The following COL4A6 variants were observed in gnomAD, a reference collection of about 807,000 sequenced individuals.
COL4A6 encodes collagen type IV alpha 6 chain.
COL4A6 carries 59 observed loss-of-function variants against 126.7 expected under a neutral mutation model. The ratio of observed to expected loss-of-function variants is 0.47; its 90% CI spans 0.38 to 0.58. The LOEUF (loss-of-function observed/expected upper bound fraction) is 0.58. Among genes scored for constraint, COL4A6 ranks in the 20% least tolerant of loss-of-function variants. COL4A6 has a pLI of 0.00. For missense variants in COL4A6, 1,285 were observed against 1,337.3 expected (o/e 0.96, Z 0.61); for synonymous variants, 547 against 496.6 (o/e 1.10, Z -1.35).
chrX:108,206,810 CA>C (rs2035557509), intron 8 of COL4A6: 1 of 490,863 alleles, frequency 2.0e-6, no homozygotes, highest in Non-Finnish European at 3.7e-6. Flanking sequence ...ATATATGAAA[CA>C]ATGTGGATTA....
At chrX:108,356,092 T>G (rs2039953658) in intron 2 of COL4A6, among the ~76,000 whole-genome samples, 1 of 86,634 alleles carries the variant, frequency 1.2e-5, no homozygotes, top group Non-Finnish European at 2.3e-5. Flanking sequence ...ATGCTATCCC[T>G]TCCCCCTCCC....
chrX:108,181,943 C>T (rs768437965), intron 23 of COL4A6, among the ~76,000 whole-genome samples: 1 of 112,649 alleles, frequency 8.9e-6, no homozygotes, highest in South Asian at 3.7e-4. Flanking sequence ...TTTGCCTGTA[C>T]TTAAATCACA....
intron 2 of COL4A6, among the ~76,000 whole-genome samples, chrX:108,426,495 G>A (rs1048031371): frequency 9.0e-6 from 1 of 111,678 alleles, no homozygotes; most frequent in Non-Finnish European, 1.9e-5. Context: ...TGCCTGGGGC[G>A]GTGTCTTTGG....
intron 3 of COL4A6, among the ~76,000 whole-genome samples, chrX:108,245,432 T>C (rs1056059353): frequency 1.3e-4 from 14 of 111,902 alleles, no homozygotes; most frequent in African/African-American, 4.5e-4. Context: ...TAAATATGCT[T>C]AAACCTCCTC....
chrX:108,281,594 C>A (rs1172563842), intron 3 of COL4A6, among the ~76,000 whole-genome samples: 4 of 111,555 alleles, frequency 3.6e-5, no homozygotes, highest in African/African-American at 1.3e-4. Context: ...AGATTCAATG[C>A]CATCCCCATC....
rs3765292 is a variant in COL4A6 at position 108,156,906 on chromosome X, G to A, written c.*94C>T. ...CCAATGTACAACTTGACAGGCAAAG[G>A]GGCTCAGGCCTTCCTTCTTCAGACC... On this transcript the variant is annotated 3_prime_UTR_variant, in exon 45 of 45. Coordinates refer to ENST00000334504, the MANE Select transcript of COL4A6 (RefSeq NM_033641.4). 122 of 909,788 alleles carry A rather than the reference G, an allele frequency of 1.3e-4. 2 individuals carry two copies. The East Asian group carries it at 3.8e-3, about 28-fold the overall frequency. 75.0% of individuals were successfully genotyped at this position (909,788 alleles called of 1,213,427 possible).
At chrX:108,381,859 G>A (rs1248401705) in intron 2 of COL4A6, among the ~76,000 whole-genome samples, 2 of 111,521 alleles carry the variant, frequency 1.8e-5, no homozygotes, top group Non-Finnish European at 3.8e-5. Context: ...AGTAATAACC[G>A]ATATTTGAAT....
In COL4A6 at chrX:108,164,880, T is replaced by G. The variant is rs1602707677; in HGVS notation, c.3967A>C (p.Lys1323Gln). The change falls in exon 39 of 45, where the codon AAA becomes CAA. Residue 1323 changes from lysine (K) to glutamine (Q), a missense_variant. By Grantham distance (53) the Lys-to-Gln change is moderately conservative. Coordinates refer to ENST00000334504, the MANE Select transcript of COL4A6 (RefSeq NM_033641.4). ...GCAGCCAGCCGAGCAGCCGTACCTT[T>G]CAGTCCTAGCTCTCCAGGGAGGCCA... ...FSGLPGELGL[K>Q]GMRGEPGFMG... The G allele has an allele frequency of 3.3e-6, 4 of 1,200,876 alleles. No individual in the cohort carries two copies. The highest frequency in any genetic ancestry group is 4.5e-6 in the Non-Finnish European group (4 of 889,348).
intron 17 of COL4A6, 127 bp downstream of exon 17, chrX:108,193,501 G>C: frequency 1.8e-6 from 1 of 544,298 alleles, no homozygotes; most frequent in Non-Finnish European, 3.0e-6. Flanking sequence ...GAGCCATGAG[G>C]GGCTCTTGGG....
At chrX:108,390,251 A>G (rs2040805128) in intron 2 of COL4A6, among the ~76,000 whole-genome samples, 1 of 110,647 alleles carries the variant, frequency 9.0e-6, no homozygotes, top group South Asian at 3.9e-4. Context: ...TGTTCTCTGT[A>G]TTTCCTGAAT....
At chrX:108,243,780 C>G (rs2036639886) in intron 3 of COL4A6, among the ~76,000 whole-genome samples, 1 of 111,760 alleles carries the variant, frequency 8.9e-6, no homozygotes, top group African/African-American at 3.3e-5. Flanking sequence ...CTCACATACC[C>G]ATGCATCACT....
intron 36 of COL4A6, 36 bp from the exon 37 acceptor site, chrX:108,169,656 G>C (rs766892619): frequency 1.9e-5 from 22 of 1,179,024 alleles, no homozygotes; most frequent in Non-Finnish European, 2.3e-5. Context: ...GCAGACCTCA[G>C]TGGAGGTGAG....
chrX:108,223,386 A>T (rs59708593), intron 3 of COL4A6, among the ~76,000 whole-genome samples: 4 of 111,886 alleles, frequency 3.6e-5, no homozygotes, highest in Admixed American at 9.4e-5. Flanking sequence ...TAATTTTTTT[A>T]AAAAAAGAAA....
At chrX:108,437,867 A>AC in intron 2 of COL4A6, 75 bp downstream of exon 2, 4 of 1,120,449 alleles carry the variant, frequency 3.6e-6, no homozygotes, top group Non-Finnish European at 4.9e-6. Context: ...CAACCCCCTA[A>AC]CATAAATACT....
intron 25 of COL4A6, among the ~76,000 whole-genome samples, chrX:108,179,991 C>A (rs1272918764): frequency 1.8e-5 from 2 of 110,409 alleles, no homozygotes; most frequent in African/African-American, 6.6e-5. Flanking sequence ...CCATCAAGTT[C>A]CTAGGTGATG....
At chrX:108,213,247 A>T (rs1364681289) in intron 6 of COL4A6, among the ~76,000 whole-genome samples, 1 of 112,371 alleles carries the variant, frequency 8.9e-6, no homozygotes, top group African/African-American at 3.2e-5. Flanking sequence ...AGTGATTTCT[A>T]GTTAAATATC....
At chrX:108,207,014 T>C (rs1748293406) in intron 8 of COL4A6, among the ~76,000 whole-genome samples, 1 of 111,687 alleles carries the variant, frequency 9.0e-6, no homozygotes, top group Admixed American at 9.5e-5. Context: ...TAATGTTCTA[T>C]ACCTGAATAG....
intron 3 of COL4A6, among the ~76,000 whole-genome samples, chrX:108,279,660 A>C (rs1188993598): frequency 8.9e-6 from 1 of 111,772 alleles, no homozygotes; most frequent in Non-Finnish European, 1.9e-5. Context: ...ACATCTACAG[A>C]ATTCTCCACC....
chrX:108,308,385 T>C (rs778769768), intron 3 of COL4A6, among the ~76,000 whole-genome samples: 3 of 112,103 alleles, frequency 2.7e-5, no homozygotes, highest in Non-Finnish European at 3.8e-5. Flanking sequence ...CTCAGTTTCC[T>C]GGTTGTTGTG....
Sources: gnomAD v4.1 joint callset for allele counts (sites outside exome capture counted in the v4.1 genomes callset) on GRCh38, gnomAD v4.1.1 for gene constraint, MANE v1.5 for transcripts, NCBI Gene and HGNC (gene_info 2026-07-23, HGNC 2026-07-21) for gene names.